Variants in OLA1 observed in about 807,000 individuals in gnomAD.
OLA1 encodes Obg like ATPase 1.
A neutral mutation model predicts 48.4 loss-of-function variants in OLA1; 14 were observed. The observed-to-expected ratio is 0.29, with a 90% CI of 0.19 to 0.45. OLA1 has a LOEUF of 0.45. OLA1 is among the 20% of genes least tolerant of loss of function. OLA1 has a pLI of 1.00. For missense variants in OLA1, 325 were observed against 467.1 expected, an observed-to-expected ratio of 0.70 and a Z score of 2.80; for synonymous variants, 127 against 150.4, an observed-to-expected ratio of 0.84 and a Z score of 1.14.
rs184713510 is a variant in OLA1, at chr2:174,073,443, T to C, written c.*1983A>G. 13 of 152,376 alleles carry C rather than the reference T, an allele frequency of 8.5e-5. No individual in the cohort carries two copies. The highest frequency in any genetic ancestry group is 3.9e-4 in the Admixed American group (6 of 15,312). 9.4% of individuals were successfully genotyped at this position (152,376 alleles called of 1,614,324 possible). A position where few individuals can be genotyped will look rare whatever the true frequency, so the allele number is the denominator to read the frequency against. On this transcript the variant is annotated 3_prime_UTR_variant, in exon 11 of 11. Transcript: ENST00000284719. ...AGATATAGGCATATATATGATTATA[T>C]GTAACAGTTCTTGGAATTCTCGACT...
chr2:174,243,736 G>A (rs1343149516), intron 2 of OLA1, among the ~76,000 whole-genome samples: 3 of 152,218 alleles, frequency 2.0e-5, no homozygotes, highest in Admixed American at 6.5e-5. Context: ...ATAGCGATTG[G>A]CATATAGTAA....
rs945957350 is a variant in OLA1 at position 174,232,726 on chromosome 2, T to A, written c.102-3275A>T. On this transcript the variant is annotated intron_variant, in intron 2 of 10. Coordinates refer to ENST00000284719, the MANE Select transcript of OLA1 (RefSeq NM_013341.5). ...ACAAGATGATAAGTGTTGGCAAGAGTACAGAGAAATTAGAACTCCGTGCAC... is the reference window on the plus strand; with the variant it reads ...ACAAGATGATAAGTGTTGGCAAGAGAACAGAGAAATTAGAACTCCGTGCAC... Among the ~76,000 whole-genome samples, 4 of 152,130 alleles carry A rather than the reference T, an allele frequency of 2.6e-5. 1 individual carries two copies. In the East Asian group the frequency reaches 7.7e-4, roughly 29 times the overall value.
At chr2:174,183,598 T>C (rs942072087) in intron 4 of OLA1, among the ~76,000 whole-genome samples, 2 of 152,218 alleles carry the variant, frequency 1.3e-5, no homozygotes, top group African/African-American at 4.8e-5. Context: ...CTCATTGATA[T>C]AGAACTAGTG....
At chr2:174,152,890 T>C (rs1350578701) in intron 4 of OLA1, among the ~76,000 whole-genome samples, 2 of 152,198 alleles carry the variant, frequency 1.3e-5, no homozygotes, top group African/African-American at 4.8e-5. Flanking sequence ...CTAGTCTAAT[T>C]GTTTAATGCT....
intron 5 of OLA1, among the ~76,000 whole-genome samples, chr2:174,135,260 G>A (rs889815184): frequency 6.6e-6 from 1 of 151,462 alleles, no homozygotes; most frequent in South Asian, 2.1e-4. Flanking sequence ...AAAGTCCTAC[G>A]TTCACTGTCA....
intron 7 of OLA1, among the ~76,000 whole-genome samples, chr2:174,107,338 A>C (rs1475554364): frequency 1.3e-5 from 2 of 152,170 alleles, no homozygotes; most frequent in African/African-American, 4.8e-5. Flanking sequence ...TTAGCCACAA[A>C]GAATTCAGGT....
intron 7 of OLA1, among the ~76,000 whole-genome samples, chr2:174,092,534 T>C (rs6433462): frequency 0.44 from 67,335 of 151,586 alleles, 15,667 homozygotes; most frequent in East Asian, 0.94. Context: ...TGGTGGCATG[T>C]GCCTGTAGTC....
At chr2:174,172,388 G>A (rs1334010798) in intron 4 of OLA1, 3 of 154,966 alleles carry the variant, frequency 1.9e-5, no homozygotes, top group African/African-American at 4.8e-5. Context: ...CAGGGCCTAC[G>A]GAAGGAAAAG....
intron 4 of OLA1, among the ~76,000 whole-genome samples, chr2:174,194,605 CAA>C (rs1289102769): frequency 5.3e-5 from 8 of 152,134 alleles, no homozygotes; most frequent in African/African-American, 1.9e-4. Flanking sequence ...GTCTATATTT[CAA>C]AGATTTAAAA....
intron 10 of OLA1, among the ~76,000 whole-genome samples, chr2:174,078,028 A>T (rs1684785403): frequency 6.6e-6 from 1 of 152,016 alleles, no homozygotes; most frequent in Non-Finnish European, 1.5e-5. Flanking sequence ...AATGGTTCTC[A>T]TTCAACATTG....
At chr2:174,211,725 C>T (rs1574554273) in intron 4 of OLA1, among the ~76,000 whole-genome samples, 1 of 152,104 alleles carries the variant, frequency 6.6e-6, no homozygotes, top group Non-Finnish European at 1.5e-5. Flanking sequence ...TTTTTCTATG[C>T]TTATAGTACA....
At chr2:174,157,751 T>C (rs1470856311) in intron 4 of OLA1, among the ~76,000 whole-genome samples, 2 of 152,162 alleles carry the variant, frequency 1.3e-5, no homozygotes, top group African/African-American at 4.8e-5. Flanking sequence ...GAGGGATGAC[T>C]CACCAAGAAC....
Position 174,201,672 on chromosome 2 carries a change from C to A in OLA1, c.373+21361G>T, listed in dbSNP as rs1020431428. Among the ~76,000 whole-genome samples the A allele has an allele frequency of 3.9e-5, 6 of 152,238 alleles. No homozygotes were observed. The East Asian group carries it at 1.2e-3, about 29-fold the overall frequency. ...TGGGAATAGTACTGCGTACTTCATG[C>A]AAATCTTGAGAGAGTTAATAGATGT... is the stretch of plus-strand genomic sequence containing the variant. On this transcript the variant is annotated intron_variant, in intron 4 of 10. Coordinates refer to ENST00000284719, the MANE Select transcript of OLA1 (RefSeq NM_013341.5).
intron 4 of OLA1, among the ~76,000 whole-genome samples, chr2:174,220,968 A>G (rs187327290): frequency 6.6e-6 from 1 of 152,356 alleles, no homozygotes; most frequent in East Asian, 1.9e-4. Flanking sequence ...CATAGCCTCA[A>G]AGTAATCCAT....
intron 8 of OLA1, among the ~76,000 whole-genome samples, chr2:174,081,715 A>G (rs902344642): frequency 7.9e-5 from 12 of 152,132 alleles, no homozygotes; most frequent in Non-Finnish European, 1.5e-4. Context: ...CTATGTTATA[A>G]TTAAAACACT....
At chr2:174,116,350 C>T (rs1250054900) in intron 7 of OLA1, among the ~76,000 whole-genome samples, 1 of 152,138 alleles carries the variant, frequency 6.6e-6, no homozygotes. Context: ...GTCTCACATT[C>T]TAATGTTTTT....
At chr2:174,237,449 C>A (rs1267411728) in intron 2 of OLA1, among the ~76,000 whole-genome samples, 1 of 151,880 alleles carries the variant, frequency 6.6e-6, no homozygotes, top group Non-Finnish European at 1.5e-5. Context: ...TCTAAAGTAA[C>A]CATAAAAATT....
rs528750568 is a variant in OLA1 at position 174,128,425 on chromosome 2, AT to A, written c.550-4751del. On this transcript the variant is annotated intron_variant, in intron 5 of 10. Transcript: ENST00000284719. The stretch of plus-strand genomic sequence containing the variant: ...CAAAAAAAAAATGAAAGAAATAAAC[AT>A]TTTTTTTTTAAATAAAATATAGGCT... 6.8e-3 allele frequency among the ~76,000 whole-genome samples: 1,014 copies of A among 148,554 alleles called. 7 individuals carry two copies. The highest frequency in any genetic ancestry group is 0.02 in the African/African-American group (827 of 40,468).
intron 4 of OLA1, among the ~76,000 whole-genome samples, chr2:174,190,131 G>T (rs1687743415): frequency 6.6e-6 from 1 of 152,036 alleles, no homozygotes; most frequent in Non-Finnish European, 1.5e-5. Context: ...GTTTATATTT[G>T]TATAAAGAAA....
Sources: allele counts gnomAD v4.1 joint callset (sites outside exome capture counted in the v4.1 genomes callset), GRCh38; gene constraint gnomAD v4.1.1; transcripts MANE v1.5; gene names NCBI Gene and HGNC (gene_info 2026-07-23, HGNC 2026-07-21).